Variants in RAB27B observed in about 807,000 individuals in gnomAD.
RAB27B encodes ras-related protein Rab-27B.
RAB27B carries 15 observed loss-of-function variants against 24.6 expected under a neutral mutation model. The ratio of observed to expected loss-of-function variants is 0.61; its 90% CI spans 0.41 to 0.94. The LOEUF (loss-of-function observed/expected upper bound fraction) is 0.94, where lower values mean the gene tolerates loss of function less well. RAB27B is among the 40% of genes least tolerant of loss of function. The pLI is 0.00. For synonymous variants in RAB27B, 105 were observed against 92.5 expected (o/e 1.14, Z -0.78); for missense variants, 261 against 266.8 (o/e 0.98, Z 0.15).
At position 54,869,542 on chromosome 18, in the gene RAB27B, A is replaced by G. The variant is rs543321422; in HGVS notation, c.-19-8025A>G. The stretch of plus-strand genomic sequence containing the variant: ...CTTTTAGTGGGTGTATAGAAACTGG[A>G]GTAAAACTGGAGAAGTGCAAGAACT... On this transcript the variant is annotated intron_variant, in intron 1 of 5. Transcript: ENST00000262094. Among the ~76,000 whole-genome samples, 3 of 152,346 alleles carry G rather than the reference A, an allele frequency of 2.0e-5. No homozygotes were observed. In the East Asian group the frequency reaches 5.8e-4, roughly 29 times the overall value.
intron 2 of RAB27B, among the ~76,000 whole-genome samples, chr18:54,744,238 C>A (rs1403565579): frequency 6.6e-6 from 1 of 152,124 alleles, no homozygotes; most frequent in Non-Finnish European, 1.5e-5. Flanking sequence ...ATTTCTTCTA[C>A]CTTTCCTGTC....
intron 1 of RAB27B, among the ~76,000 whole-genome samples, chr18:54,862,483 GGAATTGGGT>G (rs1912046542): frequency 6.6e-6 from 1 of 152,178 alleles, no homozygotes; most frequent in Non-Finnish European, 1.5e-5. Context: ...TTTCTACACT[GGAATTGGGT>G]GCTGAAGGGG....
intron 2 of RAB27B, among the ~76,000 whole-genome samples, chr18:54,788,097 C>T (rs1257200279): frequency 6.6e-6 from 1 of 152,188 alleles, no homozygotes; most frequent in African/African-American, 2.4e-5. Context: ...TTTACTTTCT[C>T]AGCAAGGCCA....
chr18:54,801,456 T>C (rs1413929627), intron 2 of RAB27B, among the ~76,000 whole-genome samples: 5 of 152,112 alleles, frequency 3.3e-5, no homozygotes, highest in African/African-American at 9.7e-5. Flanking sequence ...AACTGGAAAA[T>C]CTGTCATCAC....
chr18:54,754,020 C>T (rs1185540104), intron 2 of RAB27B, among the ~76,000 whole-genome samples: 2 of 152,046 alleles, frequency 1.3e-5, no homozygotes, highest in African/African-American at 4.8e-5. Context: ...GAATGTGTAC[C>T]CTTGTTTAAA....
At chr18:54,756,197 A>G (rs891867930) in intron 2 of RAB27B, among the ~76,000 whole-genome samples, 2 of 152,218 alleles carry the variant, frequency 1.3e-5, no homozygotes, top group African/African-American at 4.8e-5. Flanking sequence ...ACAAAAATCA[A>G]CAGGAAAGAT....
chr18:54,758,627 A>G (rs534460126), intron 2 of RAB27B, among the ~76,000 whole-genome samples: 33 of 80,154 alleles, frequency 4.1e-4, no homozygotes, highest in African/African-American at 1.1e-3. Flanking sequence ...CAAGCGACCA[A>G]AAACAATTAA....
chr18:54,760,651 T>C (rs148535945), intron 2 of RAB27B, among the ~76,000 whole-genome samples: 1 of 152,224 alleles, frequency 6.6e-6, no homozygotes, highest in East Asian at 1.9e-4. Context: ...AAAAGTGTGA[T>C]GTGCAAATTG....
chr18:54,821,121 G>A (rs537941806), intron 2 of RAB27B, among the ~76,000 whole-genome samples: 1 of 152,214 alleles, frequency 6.6e-6, no homozygotes, highest in Admixed American at 6.5e-5. Flanking sequence ...CGACATGATT[G>A]TATATCTAGA....
intron 2 of RAB27B, among the ~76,000 whole-genome samples, chr18:54,820,825 T>C (rs1347600532): frequency 6.6e-6 from 1 of 152,220 alleles, no homozygotes; most frequent in Non-Finnish European, 1.5e-5. Context: ...AGTTTCAGCT[T>C]TCTACATATG....
chr18:54,763,831 G>T (rs1720553299), intron 2 of RAB27B, among the ~76,000 whole-genome samples: 1 of 152,154 alleles, frequency 6.6e-6, no homozygotes, highest in African/African-American at 2.4e-5. Flanking sequence ...TCTGGTCTCA[G>T]TAGAAAATGG....
At chr18:54,736,692 A>G (rs951221593) in intron 2 of RAB27B, among the ~76,000 whole-genome samples, 5 of 152,178 alleles carry the variant, frequency 3.3e-5, no homozygotes, top group African/African-American at 9.7e-5. Flanking sequence ...TGATATTTCG[A>G]TAAGACCAGA....
At position 54,835,099 on chromosome 18, in the gene RAB27B, T is replaced by A. The variant is rs562252451; in HGVS notation, c.-20+6399T>A. On this transcript the variant is annotated intron_variant, in intron 1 of 5. Coordinates refer to ENST00000262094, the MANE Select transcript of RAB27B (RefSeq NM_004163.4). Reference sequence around the variant, plus strand: ...TATTATTCAAAATATATTATTTTCATAAACAAAATGGACTGTTGATAAGTG... The same window carrying A: ...TATTATTCAAAATATATTATTTTCAAAAACAAAATGGACTGTTGATAAGTG... 7.4e-4 allele frequency among the ~76,000 whole-genome samples: 112 copies of A among 152,058 alleles called. 4 individuals carry two copies. Among genetic ancestry groups the A allele is most frequent in the African/African-American group, 2.7e-3 (110 of 41,370 alleles).
chr18:54,730,006 A>G (rs1028140686), intron 2 of RAB27B, among the ~76,000 whole-genome samples: 2 of 102,586 alleles, frequency 1.9e-5, no homozygotes, highest in Non-Finnish European at 4.6e-5. Context: ...ATGCAATAAG[A>G]AGTGATAATT....
chr18:54,821,137 C>G (rs556027299), intron 2 of RAB27B, among the ~76,000 whole-genome samples: 11 of 152,074 alleles, frequency 7.2e-5, no homozygotes, highest in African/African-American at 2.4e-4. Context: ...CTAGAAAACC[C>G]CATCATCTCA....
At chr18:54,739,171 T>A (rs991260010) in intron 2 of RAB27B, among the ~76,000 whole-genome samples, 1 of 152,162 alleles carries the variant, frequency 6.6e-6, no homozygotes, top group Non-Finnish European at 1.5e-5. Flanking sequence ...ATACTACCTT[T>A]TGGCCAGGTG....
At chr18:54,864,263 G>T (rs1912122362) in intron 1 of RAB27B, among the ~76,000 whole-genome samples, 1 of 152,122 alleles carries the variant, frequency 6.6e-6, no homozygotes, top group Admixed American at 6.5e-5. Flanking sequence ...AACTAATGCT[G>T]TTTTGTCTTC....
chr18:54,786,922 G>A (rs1909104844), intron 2 of RAB27B, among the ~76,000 whole-genome samples: 1 of 152,194 alleles, frequency 6.6e-6, no homozygotes, highest in Admixed American at 6.5e-5. Context: ...ACATCACTCT[G>A]CATGAGCAGA....
rs192425064 is a variant in RAB27B, at chr18:54,747,670, T to A, written c.-20+29529T>A. ...GAGTTCATTTAAATTCTTTTGCTTC[T>A]CATACTTTGCCTACCAAATAATTAT... On this transcript the variant is annotated intron_variant, in intron 2 of 4. Coordinates refer to the RAB27B transcript ENST00000586570. Among the ~76,000 whole-genome samples, 3 of 151,326 alleles carry A rather than the reference T, an allele frequency of 2.0e-5. No homozygotes were observed. The East Asian group carries it at 5.8e-4, about 29-fold the overall frequency.
Sources: allele counts gnomAD v4.1 joint callset (sites outside exome capture counted in the v4.1 genomes callset), GRCh38; gene constraint gnomAD v4.1.1; transcripts MANE v1.5; gene names NCBI Gene and HGNC (gene_info 2026-07-23, HGNC 2026-07-21).